The following PTPN11 variants were observed in gnomAD, a reference collection of about 807,000 sequenced individuals.
PTPN11 encodes tyrosine-protein phosphatase non-receptor type 11.
PTPN11 carries 6 observed loss-of-function variants against 78.8 expected under a neutral mutation model. The observed-to-expected ratio is 0.08, with a 90% CI of 0.04 to 0.15. PTPN11 has a LOEUF of 0.15. PTPN11 is among the 10% of genes least tolerant of loss of function. PTPN11 has a pLI of 1.00. For synonymous variants in PTPN11, 221 were observed against 263.5 expected, an observed-to-expected ratio of 0.84 and a Z score of 1.56; for missense variants, 386 against 744.8, an observed-to-expected ratio of 0.52 and a Z score of 5.61.
At chr12:112,451,312 C>G (rs1028397685) in intron 3 of PTPN11, among the ~76,000 whole-genome samples, 1 of 152,118 alleles carries the variant, frequency 6.6e-6, no homozygotes, top group Non-Finnish European at 1.5e-5. Flanking sequence ...CAGTTTATTT[C>G]TAAATTTTAC....
chr12:112,438,574 C>T (rs778072275), intron 1 of PTPN11, among the ~76,000 whole-genome samples: 6 of 151,946 alleles, frequency 3.9e-5, no homozygotes, highest in Non-Finnish European at 8.8e-5. Flanking sequence ...CTCTGCCTCC[C>T]GGGTTCAAGC....
At chr12:112,483,445 C>T (rs1425050815) in intron 10 of PTPN11, among the ~76,000 whole-genome samples, 1 of 152,214 alleles carries the variant, frequency 6.6e-6, no homozygotes, top group Admixed American at 6.5e-5. Context: ...CTGCCACATG[C>T]AGCCTCCCAA....
intron 6 of PTPN11, among the ~76,000 whole-genome samples, chr12:112,463,188 T>G (rs1006651909): frequency 2.2e-4 from 33 of 152,094 alleles, no homozygotes; most frequent in African/African-American, 8.0e-4. Context: ...ACAGCATTTT[T>G]TAAAATAAAT....
At chr12:112,433,455 C>T (rs964922763) in intron 1 of PTPN11, among the ~76,000 whole-genome samples, 8 of 152,226 alleles carry the variant, frequency 5.3e-5, no homozygotes, top group East Asian at 1.9e-4. Flanking sequence ...AATGCATGAC[C>T]GTATCTTGAC....
At chr12:112,456,543 C>T (rs551971016) in intron 6 of PTPN11, among the ~76,000 whole-genome samples, 8 of 151,618 alleles carry the variant, frequency 5.3e-5, no homozygotes, top group Non-Finnish European at 8.8e-5. Context: ...ACTGCAGCCC[C>T]GTCCTCCCTG....
rs182608359 is a variant in PTPN11 at position 112,478,982 on chromosome 12, C to T, written c.1092+967C>T. ...CCCCTGAGCTTAGGTGATCCACCTT[C>T]CTTGACCTCCCAAAGTGTTGGGATT... is the stretch of plus-strand genomic sequence containing the variant. On this transcript the variant is annotated intron_variant, in intron 9 of 15. Coordinates refer to ENST00000351677, the MANE Select transcript of PTPN11 (RefSeq NM_002834.5). 1.2e-4 allele frequency among the ~76,000 whole-genome samples: 19 copies of T among 152,288 alleles called. No homozygotes were observed. The Middle Eastern group carries it at 0.02, about 164-fold the overall frequency.
intron 7 of PTPN11, among the ~76,000 whole-genome samples, chr12:112,475,077 A>G (rs893259981): frequency 7.2e-5 from 11 of 152,326 alleles, no homozygotes; most frequent in Middle Eastern, 6.8e-3. Flanking sequence ...GTCTAACTCT[A>G]TGCTGAACTC....
At chr12:112,432,304 T>C (rs1307800121) in intron 1 of PTPN11, among the ~76,000 whole-genome samples, 1 of 152,158 alleles carries the variant, frequency 6.6e-6, no homozygotes, top group Admixed American at 6.6e-5. Context: ...AAAAAAATTA[T>C]ATATAGTCAT....
chr12:112,483,407 C>T (rs1378573002), intron 10 of PTPN11, among the ~76,000 whole-genome samples: 1 of 152,216 alleles, frequency 6.6e-6, no homozygotes, highest in East Asian at 1.9e-4. Flanking sequence ...CCAGGCTGGT[C>T]TTGAACTCCT....
chr12:112,442,371 C>A (rs1310709676), intron 1 of PTPN11, among the ~76,000 whole-genome samples: 1 of 151,942 alleles, frequency 6.6e-6, no homozygotes, highest in Non-Finnish European at 1.5e-5. Flanking sequence ...CATCTCTAAT[C>A]CCCAAATCTC....
intron 1 of PTPN11, among the ~76,000 whole-genome samples, chr12:112,421,545 G>C (rs1208884053): frequency 5.9e-5 from 9 of 152,100 alleles, no homozygotes; most frequent in Admixed American, 4.6e-4. Flanking sequence ...AAACTCCTGG[G>C]TTCAAGTGAT....
At chr12:112,490,722 C>T (rs1210311606) in intron 13 of PTPN11, among the ~76,000 whole-genome samples, 3 of 152,152 alleles carry the variant, frequency 2.0e-5, no homozygotes, top group Non-Finnish European at 4.4e-5. Context: ...GCTGGGATTA[C>T]AAGTGTGAGC....
chr12:112,447,551 G>A (rs2038012539), intron 2 of PTPN11, among the ~76,000 whole-genome samples: 1 of 151,722 alleles, frequency 6.6e-6, no homozygotes, highest in South Asian at 2.1e-4. Flanking sequence ...CCAGGCTGAA[G>A]TGCAATGGCG....
intron 1 of PTPN11, among the ~76,000 whole-genome samples, chr12:112,432,610 A>G (rs1387962022): frequency 6.7e-6 from 1 of 149,398 alleles, no homozygotes; most frequent in Non-Finnish European, 1.5e-5. Flanking sequence ...CGGAGGTTGC[A>G]GTGAGGTGAG....
intron 13 of PTPN11, among the ~76,000 whole-genome samples, chr12:112,492,621 C>G (rs1392089226): frequency 1.3e-5 from 2 of 151,652 alleles, no homozygotes; most frequent in Non-Finnish European, 2.9e-5. Context: ...GGGTTGACGC[C>G]ATTCTCCTGC....
intron 15 of PTPN11, 145 bp from the exon 16 acceptor site, chr12:112,505,680 A>C (rs1419924117): frequency 6.6e-6 from 1 of 152,264 alleles, no homozygotes; most frequent in Non-Finnish European, 1.5e-5. Context: ...AAAAAAAAAA[A>C]ACTCAGTGTC....
At chr12:112,452,734 G>T (rs2038096330) in intron 3 of PTPN11, among the ~76,000 whole-genome samples, 1 of 152,046 alleles carries the variant, frequency 6.6e-6, no homozygotes, top group African/African-American at 2.4e-5. Context: ...TCACTGTGTT[G>T]CCCAGACTGG....
At position 112,453,208 on chromosome 12, in the gene PTPN11, C is replaced by T. The variant is rs1053009990; in HGVS notation, c.346C>T (p.His116Tyr). ...DPTSERWFHG[H>Y]LSGKEAEKLL... ...TAAAAACTTTAGGTGGTTTCATGGA[C>T]ATCTCTCTGGGAAAGAAGCAGAGAA... Residue 116 changes from histidine to tyrosine, a missense_variant, in exon 4 of 16, where the codon CAT becomes TAT. Coordinates refer to ENST00000351677, the MANE Select transcript of PTPN11 (RefSeq NM_002834.5). The T allele has an allele frequency of 1.9e-6, 3 of 1,611,944 alleles. No individual in the cohort carries two copies. Among genetic ancestry groups the T allele is most frequent in the Non-Finnish European group, 2.5e-6 (3 of 1,179,626 alleles).
intron 10 of PTPN11, 73 bp from the exon 11 acceptor site, chr12:112,486,402 G>A: frequency 6.9e-7 from 1 of 1,450,266 alleles, no homozygotes. Flanking sequence ...ATTTAGGAAA[G>A]CTTAGAACCG....
Sources: gnomAD v4.1 joint callset for allele counts (sites outside exome capture counted in the v4.1 genomes callset) on GRCh38, gnomAD v4.1.1 for gene constraint, MANE v1.5 for transcripts, NCBI Gene and HGNC (gene_info 2026-07-23, HGNC 2026-07-21) for gene names.